FREM1: variants seen among roughly 807,000 people sequenced by gnomAD.
The protein encoded by FREM1 is FRAS1-related extracellular matrix protein 1.
Under a neutral mutation model 210.1 loss-of-function variants are expected in FREM1, and 220 were observed. The ratio of observed to expected loss-of-function variants is 1.05; its 90% CI spans 0.94 to 1.17. The LOEUF (loss-of-function observed/expected upper bound fraction) is 1.17. Among genes scored for constraint, FREM1 ranks in the 50% most tolerant of loss-of-function variants. The probability of loss-of-function intolerance (pLI) is 0.00; values close to 1 mark genes in which losing one functional copy is unlikely to be tolerated. For synonymous variants in FREM1, 1,189 were observed against 980.2 expected, an observed-to-expected ratio of 1.21 and a Z score of -3.98; for missense variants, 3,454 against 2,675.5, an observed-to-expected ratio of 1.29 and a Z score of -6.42.
rs1201309458 is a variant in FREM1, at chr9:14,846,080, G to A, written c.1273C>T (p.Leu425Phe). 1 of 1,577,680 alleles carries A rather than the reference G, an allele frequency of 6.3e-7. No homozygotes were observed. Among genetic ancestry groups the A allele is most frequent in the East Asian group, 2.3e-5 (1 of 43,140 alleles). ...GTGATGGCTCGAGACTGCCCCTCAA[G>A]GAGACTCAGACCTATGAAAGAAAGG... is the stretch of plus-strand genomic sequence containing the variant. ...RVSWNTGLSLLEGQSRAITWE... is the reference protein window; with the variant it reads ...RVSWNTGLSLFEGQSRAITWE... The change falls in exon 8 of 37, where the codon CTT (leucine) becomes TTT (phenylalanine). Residue 425 changes from leucine (L) to phenylalanine (F), a missense_variant. Transcript: ENST00000380880.
intron 1 of FREM1, among the ~76,000 whole-genome samples, chr9:14,875,282 C>G (rs990092469): frequency 6.6e-6 from 1 of 152,176 alleles, no homozygotes; most frequent in Admixed American, 6.5e-5. Context: ...TGGTTCCATT[C>G]TCCCCATCAC....
chr9:14,769,211 G>A (rs775807552), intron 27 of FREM1, among the ~76,000 whole-genome samples: 3 of 152,042 alleles, frequency 2.0e-5, no homozygotes, highest in Admixed American at 6.6e-5. Context: ...CATTATATTT[G>A]TCTTACATGG....
chr9:14,860,842 TACATATATACGTATATATAC>T lies in FREM1; in HGVS notation c.330-1378_330-1359del, dbSNP rs1829988035. On this transcript the variant is annotated intron_variant, in intron 3 of 36. Coordinates refer to ENST00000380880, the MANE Select transcript of FREM1 (RefSeq NM_001379081.2). Reference sequence around the variant, plus strand: ...ACATATATACATATATACGTATATATACATATATACGTATATATACACATATATATACGTATATATACACA... The same window carrying T: ...ACATATATACATATATACGTATATATACATATATATACGTATATATACACA... Among the ~76,000 whole-genome samples, 4 of 84,732 alleles carry T rather than the reference TACATATATACGTATATATAC, an allele frequency of 4.7e-5. 1 individual carries two copies. Among genetic ancestry groups the T allele is most frequent in the Non-Finnish European group, 8.1e-5 (4 of 49,398 alleles). The allele number at this position is 84,732 out of a possible 152,430, so 55.6% of individuals were successfully genotyped here. A position where few individuals can be genotyped will look rare whatever the true frequency, so the allele number is the denominator to read the frequency against.
intron 1 of FREM1, among the ~76,000 whole-genome samples, chr9:14,878,773 G>A (rs1051657854): frequency 4.6e-5 from 7 of 152,090 alleles, no homozygotes; most frequent in Admixed American, 2.6e-4. Flanking sequence ...TGTTAACTAA[G>A]TGAATAAATT....
chr9:14,775,016 C>G (rs796511723), intron 25 of FREM1, among the ~76,000 whole-genome samples: 1 of 152,208 alleles, frequency 6.6e-6, no homozygotes, highest in Non-Finnish European at 1.5e-5. Flanking sequence ...TATTATTACC[C>G]TCATCATTAT....
intron 36 of FREM1, among the ~76,000 whole-genome samples, chr9:14,739,762 T>C (rs1324793289): frequency 6.6e-6 from 1 of 151,884 alleles, no homozygotes; most frequent in Non-Finnish European, 1.5e-5. Context: ...AGGCAATTTT[T>C]CATGTCTTTA....
At chr9:14,799,257 G>C (rs1018307142) in intron 20 of FREM1, among the ~76,000 whole-genome samples, 1 of 151,326 alleles carries the variant, frequency 6.6e-6, no homozygotes, top group Non-Finnish European at 1.5e-5. Flanking sequence ...CCACAATCCA[G>C]CCTAAGTGAC....
At chr9:14,806,119 A>G (rs1224461333) in intron 18 of FREM1, among the ~76,000 whole-genome samples, 1 of 152,196 alleles carries the variant, frequency 6.6e-6, no homozygotes, top group Non-Finnish European at 1.5e-5. Context: ...CCATAAGTAA[A>G]ATTCCATTTA....
intron 5 of FREM1, among the ~76,000 whole-genome samples, chr9:14,855,987 A>T (rs1380968718): frequency 6.6e-6 from 1 of 152,174 alleles, no homozygotes; most frequent in Non-Finnish European, 1.5e-5. Context: ...GGTCTGTATG[A>T]ACAAGGTATG....
chr9:14,855,312 T>C (rs1188557372), intron 5 of FREM1, among the ~76,000 whole-genome samples: 1 of 152,156 alleles, frequency 6.6e-6, no homozygotes, highest in African/African-American at 2.4e-5. Context: ...AATTGTTCAA[T>C]GAATAGTGTT....
At chr9:14,802,131 AT>A (rs1367766524) in intron 19 of FREM1, among the ~76,000 whole-genome samples, 8 of 152,302 alleles carry the variant, frequency 5.3e-5, no homozygotes, top group Non-Finnish European at 1.2e-4. Context: ...AGGACATATA[AT>A]TTTTAAAATA....
chr9:14,762,755 A>ATTTTTTTTTTTTTTT (rs34136678), intron 27 of FREM1, among the ~76,000 whole-genome samples: 1 of 137,926 alleles, frequency 7.3e-6, no homozygotes, highest in African/African-American at 2.7e-5. Context: ...TTTGAATGTG[A>ATTTTTTTTTTTTTTT]TTTTTTTTTT....
At chr9:14,820,037 T>C (rs932752664) in intron 13 of FREM1, among the ~76,000 whole-genome samples, 2 of 152,202 alleles carry the variant, frequency 1.3e-5, no homozygotes, top group African/African-American at 4.8e-5. Flanking sequence ...ACAAAGATAA[T>C]TTGCTATAAT....
intron 31 of FREM1, 50 bp downstream of exon 31, chr9:14,748,351 C>T (rs1842810073): frequency 9.8e-7 from 1 of 1,022,264 alleles, no homozygotes; most frequent in East Asian, 2.5e-5. Flanking sequence ...TCTTCTGATC[C>T]TTTTAATATG....
chr9:14,754,663 G>C (rs1342647568), intron 29 of FREM1, among the ~76,000 whole-genome samples: 2 of 152,296 alleles, frequency 1.3e-5, no homozygotes, highest in East Asian at 3.9e-4. Flanking sequence ...GCTGGGCACA[G>C]TGACTCATGC....
In FREM1 at chr9:14,868,911, G is replaced by T. The variant is rs1832064960; in HGVS notation, c.67C>A (p.Pro23Thr). 5.0e-6 allele frequency: 8 copies of T among 1,604,924 alleles called. No individual in the cohort carries two copies. The highest frequency in any genetic ancestry group is 6.8e-6 in the Non-Finnish European group (8 of 1,176,318). ...CCGCGGTTGATGCTGATGAAGGTGG[G>T]GCTGGCCCAGGCCAGGAGGAGCAGC... Reference protein sequence around the residue: ...LLLLLLAWASPTFISINRGVR... With the variant: ...LLLLLLAWASTTFISINRGVR... Residue 23 changes from proline to threonine, a missense_variant, in exon 2 of 37, where the codon CCC becomes ACC. Coordinates refer to ENST00000380880, the MANE Select transcript of FREM1 (RefSeq NM_001379081.2).
In FREM1 at chr9:14,876,138, C is replaced by G. The variant is rs548186645; in HGVS notation, c.-267-6894G>C. Among the ~76,000 whole-genome samples, 578 of 151,398 alleles carry G rather than the reference C, an allele frequency of 3.8e-3. 5 individuals are homozygous for G. Among genetic ancestry groups the G allele is most frequent in the Middle Eastern group, 0.014 (4 of 292 alleles). On this transcript the variant is annotated intron_variant, in intron 1 of 36. Coordinates refer to ENST00000380880, the MANE Select transcript of FREM1 (RefSeq NM_001379081.2). ...TCGGGGGTCAGGGGTCAGGGACCCA[C>G]TTGAGGAGGCAGTCTGCCCATTCTC...
chr9:14,841,441 T>C lies in FREM1; in HGVS notation c.1881+6A>G. 1 of 1,596,148 alleles carries C rather than the reference T, an allele frequency of 6.3e-7. No homozygotes were observed. The highest frequency in any genetic ancestry group is 8.6e-7 in the Non-Finnish European group (1 of 1,168,066). The stretch of plus-strand genomic sequence containing the variant: ...TTTGGGAAAGTGTTCAGAAACAGTC[T>C]CTTACCTGTGGCACTGAAAGATTTG... On this transcript the variant is annotated splice_donor_region_variant and intron_variant, in intron 10 of 36. Transcript: ENST00000380880.
intron 24 of FREM1, among the ~76,000 whole-genome samples, chr9:14,778,580 C>T (rs541437897): frequency 2.8e-5 from 4 of 140,508 alleles, no homozygotes; most frequent in African/African-American, 8.0e-5. Context: ...CGCACTCCAG[C>T]CTGGGCAACA....
Sources: gnomAD v4.1 joint callset for allele counts (sites outside exome capture counted in the v4.1 genomes callset) on GRCh38, gnomAD v4.1.1 for gene constraint, MANE v1.5 for transcripts, NCBI Gene and HGNC (gene_info 2026-07-23, HGNC 2026-07-21) for gene names.